The following ANKRD13D variants were observed in gnomAD, a reference collection of about 807,000 sequenced individuals.
The protein encoded by ANKRD13D is ankyrin repeat domain-containing protein 13D.
A neutral mutation model predicts 68.8 loss-of-function variants in ANKRD13D; 24 were observed. The observed-to-expected ratio is 0.35, with a 90% CI of 0.25 to 0.49. ANKRD13D has a LOEUF of 0.49. Ranked by LOEUF, ANKRD13D falls within the 20% of genes least tolerant of loss-of-function variation. The pLI is 0.99. For missense variants in ANKRD13D, 735 were observed against 832.1 expected, an observed-to-expected ratio of 0.88 and a Z score of 1.44; for synonymous variants, 331 against 336.1, an observed-to-expected ratio of 0.98 and a Z score of 0.16.
chr11:67,301,865 C>G lies in ANKRD13D; in HGVS notation c.1604+42C>G. ...GCTGGCTGGGTCCCTGTCCCCCCAG[C>G]CCTGGCTTGGCGGGGAGGGGGATAG... On this transcript the variant is annotated intron_variant, in intron 14 of 14. Transcript: ENST00000511455. This position sits in a 1 kb window ranked among gnomAD's most constrained non-coding sequence, Gnocchi z 4.5. 6.5e-7 allele frequency: 1 copy of G among 1,540,620 alleles called. No homozygotes were observed. Among genetic ancestry groups the G allele is most frequent in the Non-Finnish European group, 8.8e-7 (1 of 1,141,190 alleles).
At position 67,301,660 on chromosome 11, in the gene ANKRD13D, T is replaced by C. The variant is rs1000378333; in HGVS notation, c.1512+9T>C. 1.2e-6 allele frequency: 2 copies of C among 1,611,650 alleles called. No homozygotes were observed. The highest frequency in any genetic ancestry group is 8.5e-7 in the Non-Finnish European group (1 of 1,179,624). On this transcript the variant is annotated intron_variant, in intron 13 of 14. Coordinates refer to ENST00000511455, the MANE Select transcript of ANKRD13D (RefSeq NM_207354.3). The surrounding 1 kb of genome is among the most constrained non-coding windows in gnomAD (Gnocchi z 4.5). ...GCACTGAGGCGGAGCAGGTGGGACT[T>C]GCCCAGGGGGTGGGCTCTGGCCTCT...
At position 67,300,889 on chromosome 11, in the gene ANKRD13D, G is replaced by A; in HGVS notation, c.1074-101G>A. On this transcript the variant is annotated intron_variant, in intron 10 of 14. Coordinates refer to ENST00000511455, the MANE Select transcript of ANKRD13D (RefSeq NM_207354.3). This position sits in a 1 kb window ranked among gnomAD's most constrained non-coding sequence, Gnocchi z 4.3. ...AGCAGAGCAGGGCACTCCAGGCCAG[G>A]CAGAAGGTGGGTAAAGGCAGCTGCC... 1 of 1,445,310 alleles carries A rather than the reference G, an allele frequency of 6.9e-7. No individual in the cohort carries two copies. The highest frequency in any genetic ancestry group is 1.3e-5 in the South Asian group (1 of 76,996). The allele number at this position is 1,445,310 out of a possible 1,614,324, so 89.5% of individuals were successfully genotyped here.
At chr11:67,291,236 G>C in intron 3 of ANKRD13D, 1 of 518,918 alleles carries the variant, frequency 1.9e-6, no homozygotes, top group African/African-American at 1.9e-5. Context: ...ACACACCTGT[G>C]GTCCCAGCTA....
intron 1 of ANKRD13D, 71 bp downstream of exon 1, chr11:67,289,621 G>GGCC: frequency 2.5e-6 from 2 of 807,406 alleles, no homozygotes; most frequent in Admixed American, 6.1e-5. Context: ...CCGTCCTGGA[G>GGCC]CCCCCCCCCC....
rs543185904 is a variant in ANKRD13D at position 67,301,772 on chromosome 11, C to T, written c.1553C>T (p.Ala518Val). 7.5e-6 allele frequency: 12 copies of T among 1,610,042 alleles called. No individual in the cohort carries two copies. In the East Asian group the frequency reaches 2.7e-4, roughly 36 times the overall value. The change falls in exon 14 of 15, where the codon GCC becomes GTC. Residue 518 changes from alanine to valine, a missense_variant. Physicochemically the swap from Ala to Val is moderately conservative, Grantham distance 64 (BLOSUM62 0). Coordinates refer to ENST00000511455, the MANE Select transcript of ANKRD13D (RefSeq NM_207354.3). This position sits in a 1 kb window ranked among gnomAD's most constrained non-coding sequence, Gnocchi z 4.5. Reference sequence around the variant, plus strand: ...GCCCTGACCAACACCCGGCCCGGTGCCCGCCCTCCTCCCCAGGCCACGGTT... The same window carrying T: ...GCCCTGACCAACACCCGGCCCGGTGTCCGCCCTCCTCCCCAGGCCACGGTT... ...WEALTNTRPG[A>V]RPPPQATVYE...
intron 6 of ANKRD13D, among the ~76,000 whole-genome samples, chr11:67,294,776 C>T (rs1242934585): frequency 2.6e-5 from 4 of 152,020 alleles, no homozygotes; most frequent in African/African-American, 9.7e-5. Flanking sequence ...CCTGACCTTG[C>T]TGGGATTACA....
chr11:67,291,351 CAAAAAAAAAAAAA>C (rs369072835), intron 3 of ANKRD13D, 112 bp from the exon 4 acceptor site: 223 of 500,720 alleles, frequency 4.5e-4, no homozygotes, highest in Non-Finnish European at 6.4e-4. Flanking sequence ...GAGCAAGTCT[CAAAAAAAAAAAAA>C]AAAAAAAAAA....
chr11:67,300,610 G>T lies in ANKRD13D; in HGVS notation c.1074-380G>T, dbSNP rs1404600154. The T allele has an allele frequency of 7.1e-6, 3 of 420,284 alleles. No homozygotes were observed. Among genetic ancestry groups the T allele is most frequent in the South Asian group, 5.2e-5 (1 of 19,364 alleles). 26.0% of individuals were successfully genotyped at this position (420,284 alleles called of 1,614,324 possible). The stretch of plus-strand genomic sequence containing the variant: ...AGTCGCTGGGATTCGAACCCTGGCA[G>T]TCTTGCCCTGGGGTGTGCTGGACAT... On this transcript the variant is annotated intron_variant, in intron 10 of 14. Transcript: ENST00000511455. This position sits in a 1 kb window ranked among gnomAD's most constrained non-coding sequence, Gnocchi z 4.3.
Position 67,299,938 on chromosome 11 carries a change from C to T in ANKRD13D, c.942+50C>T, listed in dbSNP as rs570206113. On this transcript the variant is annotated intron_variant, in intron 9 of 14. Transcript: ENST00000511455. This position sits in a 1 kb window ranked among gnomAD's most constrained non-coding sequence, Gnocchi z 6.2. ...GGGCTGGCGGGGGGCCGAGCCTGGG[C>T]GGGAGGGCACCCTCTGTCACCTTGA... is the stretch of plus-strand genomic sequence containing the variant. 1.7e-5 allele frequency: 27 copies of T among 1,573,760 alleles called. No individual in the cohort carries two copies. Among genetic ancestry groups the T allele is most frequent in the South Asian group, 3.5e-5 (3 of 85,100 alleles).
chr11:67,290,400 C>A lies in ANKRD13D; in HGVS notation c.305C>A (p.Thr102Lys). The A allele has an allele frequency of 6.3e-7, 1 of 1,594,124 alleles. No individual in the cohort carries two copies. The highest frequency in any genetic ancestry group is 8.5e-7 in the Non-Finnish European group (1 of 1,171,462). ...CAGTATCGGGACTACCAGAGGGCCA[C>A]GCAGAGGCTGGCGGGCATTCCGGAA... ...VLQYRDYQRA[T>K]QRLAGIPELL... The change falls in exon 3 of 15, where the codon ACG becomes AAG. Residue 102 changes from threonine (T) to lysine (K), a missense_variant. Transcript: ENST00000511455.
intron 3 of ANKRD13D, 125 bp from the exon 4 acceptor site, chr11:67,291,351 C>CAAA (rs369072835): frequency 6.3e-4 from 317 of 500,214 alleles, no homozygotes; most frequent in Admixed American, 6.8e-4. Context: ...GAGCAAGTCT[C>CAAA]AAAAAAAAAA....
chr11:67,289,965 G>A (rs1860463486), intron 1 of ANKRD13D, 113 bp from the exon 2 acceptor site: 1 of 1,460,412 alleles, frequency 6.8e-7, no homozygotes. Flanking sequence ...CCATCTCCCT[G>A]GTCAGTCCGC....
At chr11:67,290,918 G>A in intron 3 of ANKRD13D, 1 of 182,030 alleles carries the variant, frequency 5.5e-6, no homozygotes, top group Non-Finnish European at 1.2e-5. Flanking sequence ...CCAGGGCTCT[G>A]CACAGGCTCA....
intron 6 of ANKRD13D, among the ~76,000 whole-genome samples, chr11:67,295,263 A>G (rs1303159079): frequency 6.6e-6 from 1 of 152,078 alleles, no homozygotes; most frequent in Non-Finnish European, 1.5e-5. Flanking sequence ...TAAAAATACA[A>G]ACAATTAGCC....
intron 6 of ANKRD13D, chr11:67,298,827 TACCTC>T (rs1197272829): frequency 1.8e-6 from 1 of 569,298 alleles, no homozygotes; most frequent in Non-Finnish European, 3.2e-6. Flanking sequence ...GACACTATCA[TACCTC>T]ACAAGATTCA....
In ANKRD13D at chr11:67,299,650, G is replaced by A. The variant is rs376036145; in HGVS notation, c.880+39G>A. On this transcript the variant is annotated intron_variant, in intron 8 of 14. Transcript: ENST00000511455. This position sits in a 1 kb window ranked among gnomAD's most constrained non-coding sequence, Gnocchi z 6.2. The stretch of plus-strand genomic sequence containing the variant: ...CGCCTGCCTGCTGCCCGGTCACACC[G>A]TGTGGTGGGGTCACCCTGGCCTGGG... 2.1e-5 allele frequency: 32 copies of A among 1,546,834 alleles called. No individual in the cohort carries two copies. The highest frequency in any genetic ancestry group is 2.5e-5 in the Non-Finnish European group (29 of 1,144,184).
At chr11:67,289,575 C>T (rs1860441520) in intron 1 of ANKRD13D, 25 bp downstream of exon 1, 3 of 1,517,852 alleles carry the variant, frequency 2.0e-6, no homozygotes, top group Non-Finnish European at 1.8e-6. Flanking sequence ...GGGCACCCGG[C>T]CCTTCCCCCG....
chr11:67,294,400 C>T lies in ANKRD13D; in HGVS notation c.731+2220C>T, dbSNP rs529202314. 7.9e-5 allele frequency among the ~76,000 whole-genome samples: 12 copies of T among 152,260 alleles called. No homozygotes were observed. In the South Asian group the frequency reaches 8.3e-4, roughly 11 times the overall value. On this transcript the variant is annotated intron_variant, in intron 6 of 14. Coordinates refer to ENST00000511455, the MANE Select transcript of ANKRD13D (RefSeq NM_207354.3). ...GTTAACAATGTTAAGTCTTCTAATC[C>T]GTGAACATGGGATGTTTTTCCATTT...
chr11:67,292,499 G>T (rs1176797633), intron 6 of ANKRD13D, among the ~76,000 whole-genome samples: 2 of 152,064 alleles, frequency 1.3e-5, no homozygotes, highest in Non-Finnish European at 2.9e-5. Context: ...ATGTTGGCTT[G>T]TCATTGGTGC....
Sources: gnomAD v4.1 joint callset for allele counts (sites outside exome capture counted in the v4.1 genomes callset) on GRCh38, gnomAD v4.1.1 for gene constraint, Gnocchi (gnomAD v3.1) non-coding constraint, MANE v1.5 for transcripts, NCBI Gene and HGNC (gene_info 2026-07-23, HGNC 2026-07-21) for gene names.